The following TMEM181 variants were observed in gnomAD, a reference collection of about 807,000 sequenced individuals.
The protein encoded by TMEM181 is transmembrane protein 181, also known as G protein-coupled receptor 178.
TMEM181 carries 39 observed loss-of-function variants against 71.9 expected under a neutral mutation model. That is an observed-to-expected ratio of 0.54 (90% confidence interval 0.42 to 0.71). TMEM181 has a LOEUF of 0.71. Ranked by LOEUF, TMEM181 falls within the 30% of genes least tolerant of loss-of-function variation. The probability of loss-of-function intolerance (pLI) is 0.00; values close to 1 mark genes in which losing one functional copy is unlikely to be tolerated. For synonymous variants in TMEM181, 245 were observed against 228.8 expected (o/e 1.07, Z -0.64); for missense variants, 595 against 583.0 (o/e 1.02, Z -0.21).
intron 10 of TMEM181, chr6:158,610,850 G>A (rs1785261195): frequency 2.9e-6 from 1 of 341,658 alleles, no homozygotes; most frequent in Non-Finnish European, 5.7e-6. Flanking sequence ...TCACACCAAG[G>A]ACTACTGTAA....
chr6:158,541,190 C>T (rs1224236122), intron 1 of TMEM181, among the ~76,000 whole-genome samples: 23 of 151,894 alleles, frequency 1.5e-4, no homozygotes, highest in African/African-American at 2.9e-4. Flanking sequence ...CTGATGGGGG[C>T]GGATCACTTG....
At chr6:158,614,106 T>A (rs1255670508) in intron 10 of TMEM181, among the ~76,000 whole-genome samples, 2 of 152,242 alleles carry the variant, frequency 1.3e-5, no homozygotes, top group Admixed American at 6.5e-5. Flanking sequence ...TTGGACATTA[T>A]CTTGACAATT....
intron 2 of TMEM181, among the ~76,000 whole-genome samples, chr6:158,576,399 T>C (rs1223664553): frequency 1.3e-5 from 2 of 152,150 alleles, no homozygotes; most frequent in Non-Finnish European, 2.9e-5. Context: ...CTGCTGTTGT[T>C]GTACCTCCCT....
At chr6:158,542,637 C>T (rs181435266) in intron 1 of TMEM181, among the ~76,000 whole-genome samples, 2 of 152,272 alleles carry the variant, frequency 1.3e-5, no homozygotes, top group Admixed American at 1.3e-4. Flanking sequence ...CAGAGTCTTG[C>T]TCTGTTGCCC....
At chr6:158,568,325 C>T (rs905573180) in intron 1 of TMEM181, among the ~76,000 whole-genome samples, 1 of 151,128 alleles carries the variant, frequency 6.6e-6, no homozygotes, top group Admixed American at 6.6e-5. Context: ...TGTTGGGCAG[C>T]GCTGCTTCAG....
intron 1 of TMEM181, among the ~76,000 whole-genome samples, chr6:158,541,417 CAAAAAACA>C (rs1236478639): frequency 7.1e-5 from 9 of 126,494 alleles, no homozygotes; most frequent in Non-Finnish European, 1.5e-4. Context: ...GACTCCATCT[CAAAAAACA>C]AAAAAACAAA....
chr6:158,625,267 A>C (rs1470804717), intron 12 of TMEM181, 61 bp downstream of exon 12: 2 of 1,458,084 alleles, frequency 1.4e-6, no homozygotes, highest in Non-Finnish European at 1.9e-6. Context: ...GTGGGGGAAG[A>C]AGTGGTTGGA....
chr6:158,628,120 C>T (rs1252010554), intron 13 of TMEM181, among the ~76,000 whole-genome samples: 1 of 152,088 alleles, frequency 6.6e-6, no homozygotes, highest in Non-Finnish European at 1.5e-5. Context: ...CTTCAAGGCC[C>T]CGAGTAGGGA....
Position 158,560,176 on chromosome 6 carries a change from TG to T in TMEM181, c.-47del. ...GCTGCCGAGGCTGCTGCGCGGCGCC[TG>T]GCGGGCTCGGGACGCGCGGGCCGGG... On this transcript the variant is annotated 5_prime_UTR_variant, in exon 1 of 17. Coordinates refer to ENST00000684151, the MANE Select transcript of TMEM181 (RefSeq NM_001376852.1). 5.1e-6 allele frequency: 5 copies of T among 984,638 alleles called. No individual in the cohort carries two copies. Among genetic ancestry groups the T allele is most frequent in the Non-Finnish European group, 6.0e-6 (5 of 829,696 alleles). The allele number at this position is 984,638 out of a possible 1,614,324, so 61.0% of individuals were successfully genotyped here.
At chr6:158,625,246 G>GAGTGACTCAGGTGGGGGA in intron 12 of TMEM181, 40 bp downstream of exon 12, 1 of 1,565,210 alleles carries the variant, frequency 6.4e-7, no homozygotes, top group Non-Finnish European at 8.8e-7. Flanking sequence ...GGTGGCTTGG[G>GAGTGACTCAGGTGGGGGA]AGTGACTCAG....
rs142898636 is a variant in TMEM181 at position 158,568,429 on chromosome 6, C to T, written c.9-4991C>T. On this transcript the variant is annotated intron_variant, in intron 1 of 16. Transcript: ENST00000684151. ...ATGAGCTGGTGTTGGAGGACTGGTG[C>T]GAGGGGTGGCAGGAGTCTAGGACTA... Among the ~76,000 whole-genome samples, 89 of 151,740 alleles carry T rather than the reference C, an allele frequency of 5.9e-4. 1 individual carries two copies. Among genetic ancestry groups the T allele is most frequent in the African/African-American group, 1.9e-3 (77 of 41,340 alleles).
chr6:158,565,182 T>A (rs1455707311), intron 1 of TMEM181, among the ~76,000 whole-genome samples: 1 of 152,196 alleles, frequency 6.6e-6, no homozygotes, highest in Non-Finnish European at 1.5e-5. Flanking sequence ...CTTACCCGGA[T>A]TGTATCTGTT....
intron 2 of TMEM181, 84 bp from the exon 3 acceptor site, chr6:158,580,856 T>C: frequency 7.9e-7 from 1 of 1,267,542 alleles, no homozygotes; most frequent in Non-Finnish European, 1.1e-6. Flanking sequence ...GTGTAATGTG[T>C]GAGTCTTTCT....
In TMEM181 at chr6:158,624,707, C is replaced by T. The variant is rs574269733; in HGVS notation, c.955-397C>T. 7.2e-5 allele frequency among the ~76,000 whole-genome samples: 11 copies of T among 152,350 alleles called. No homozygotes were observed. In the South Asian group the frequency reaches 2.3e-3, roughly 32 times the overall value. On this transcript the variant is annotated intron_variant, in intron 11 of 16. Transcript: ENST00000684151. ...TAAGACGGCGCGTGGATTCCCAGGG[C>T]CTAGCCTGGGTCCTTTCTTGGACAC...
At chr6:158,555,696 G>A (rs1267418682), upstream of TMEM181, among the ~76,000 whole-genome samples, 2 of 152,216 alleles carry the variant, frequency 1.3e-5, no homozygotes, top group Non-Finnish European at 1.5e-5. Context: ...AGTCCCAGAA[G>A]ACTTGAGAGA....
chr6:158,626,567 A>G, intron 13 of TMEM181: 3 of 456,612 alleles, frequency 6.6e-6, no homozygotes, highest in Non-Finnish European at 1.3e-5. Context: ...GAGGACTGAG[A>G]TAGGCATCCA....
At chr6:158,565,113 C>G (rs1328011945) in intron 1 of TMEM181, among the ~76,000 whole-genome samples, 1 of 152,230 alleles carries the variant, frequency 6.6e-6, no homozygotes, top group African/African-American at 2.4e-5. Context: ...GCTGGCTTCC[C>G]TCACATCTCT....
At chr6:158,623,355 G>C (rs1379800286) in intron 10 of TMEM181, among the ~76,000 whole-genome samples, 195 bp from the exon 11 acceptor site, 1 of 152,104 alleles carries the variant, frequency 6.6e-6, no homozygotes, top group Non-Finnish European at 1.5e-5. Context: ...TGGTAGGATT[G>C]TATAGTTTTT....
At chr6:158,553,987 A>ACCCCCAC (rs1269508409) in intron 1 of TMEM181, among the ~76,000 whole-genome samples, 1 of 151,912 alleles carries the variant, frequency 6.6e-6, no homozygotes, top group Non-Finnish European at 1.5e-5. Flanking sequence ...GCTCGCCAGA[A>ACCCCCAC]CCCCCACCTC....
Sources: gnomAD v4.1 joint callset for allele counts (sites outside exome capture counted in the v4.1 genomes callset) on GRCh38, gnomAD v4.1.1 for gene constraint, MANE v1.5 for transcripts, NCBI Gene and HGNC (gene_info 2026-07-23, HGNC 2026-07-21) for gene names.